The following NKAIN3 variants were observed in gnomAD, a reference collection of about 807,000 sequenced individuals.
The protein encoded by NKAIN3 is sodium/potassium transporting ATPase interacting 3, also known as sodium/potassium-transporting ATPase subunit beta-1-interacting protein 3.
A neutral mutation model predicts 30.2 loss-of-function variants in NKAIN3; 25 were observed. The ratio of observed to expected loss-of-function variants is 0.83; its 90% CI spans 0.60 to 1.16. The LOEUF is 1.16. Ranked by LOEUF, NKAIN3 falls within the 50% of genes most tolerant of loss-of-function variation. The probability of loss-of-function intolerance (pLI) is 0.00; values close to 1 mark genes in which losing one functional copy is unlikely to be tolerated. For synonymous variants in NKAIN3, 91 were observed against 89.6 expected (o/e 1.02, Z -0.09); for missense variants, 225 against 254.1 (o/e 0.89, Z 0.78).
chr8:62,913,730 T>C (rs1821993902), intron 4 of NKAIN3, among the ~76,000 whole-genome samples: 1 of 152,190 alleles, frequency 6.6e-6, no homozygotes, highest in Non-Finnish European at 1.5e-5. Flanking sequence ...AGTTGACAGG[T>C]GTCCTCCTCT....
At chr8:62,689,945 AAAATAAAT>A (rs77511780) in intron 3 of NKAIN3, among the ~76,000 whole-genome samples, 3,559 of 145,512 alleles carry the variant, frequency 0.024, 48 homozygotes, top group East Asian at 0.083. Flanking sequence ...CACCGCACTG[AAAATAAAT>A]AAATAAATAA....
chr8:62,304,616 T>C (rs1274793571), intron 1 of NKAIN3, among the ~76,000 whole-genome samples: 3 of 150,488 alleles, frequency 2.0e-5, no homozygotes, highest in Non-Finnish European at 1.5e-5. Context: ...GAATGGGGAA[T>C]TGAAACCCAG....
chr8:62,587,379 T>C (rs1810509393), intron 2 of NKAIN3, among the ~76,000 whole-genome samples: 1 of 152,040 alleles, frequency 6.6e-6, no homozygotes. Flanking sequence ...AATTCCATAT[T>C]ATACATGTCA....
At chr8:62,356,277 A>G (rs993889954) in intron 1 of NKAIN3, among the ~76,000 whole-genome samples, 1 of 152,224 alleles carries the variant, frequency 6.6e-6, no homozygotes, top group Non-Finnish European at 1.5e-5. Context: ...GCTTACCTTA[A>G]CTAAGTAATT....
At chr8:62,986,050 T>C (rs1246346924), downstream of NKAIN3, among the ~76,000 whole-genome samples, 1 of 152,232 alleles carries the variant, frequency 6.6e-6, no homozygotes, top group Non-Finnish European at 1.5e-5. Context: ...TTCCCTTGGA[T>C]GAGGATTTGA....
intron 4 of NKAIN3, among the ~76,000 whole-genome samples, chr8:62,867,652 A>G (rs1357262577): frequency 6.6e-6 from 1 of 152,234 alleles, no homozygotes; most frequent in Admixed American, 6.5e-5. Context: ...GAGGATGGGA[A>G]TAGTGAGGTT....
intron 3 of NKAIN3, among the ~76,000 whole-genome samples, chr8:62,730,097 G>A (rs535714905): frequency 7.9e-5 from 12 of 152,144 alleles, no homozygotes; most frequent in East Asian, 1.9e-4. Context: ...ATAAGGGACC[G>A]ACTTTGTACT....
chr8:62,795,849 C>G (rs745493403), intron 4 of NKAIN3, among the ~76,000 whole-genome samples: 1 of 152,056 alleles, frequency 6.6e-6, no homozygotes, highest in Non-Finnish European at 1.5e-5. Context: ...GTTGAAATTA[C>G]TATGTATTAA....
At chr8:62,748,732 C>T (rs1161935315) in intron 4 of NKAIN3, among the ~76,000 whole-genome samples, 1 of 152,074 alleles carries the variant, frequency 6.6e-6, no homozygotes, top group Non-Finnish European at 1.5e-5. Context: ...CAAAGAAAGG[C>T]AAATTTGATA....
At chr8:62,275,446 G>A (rs1311442863) in intron 1 of NKAIN3, among the ~76,000 whole-genome samples, 1 of 152,154 alleles carries the variant, frequency 6.6e-6, no homozygotes, top group Non-Finnish European at 1.5e-5. Context: ...AAGAAATTTT[G>A]TAATTCTGAA....
rs562132532 is a variant in NKAIN3 at position 62,946,541 on chromosome 8, C to T, written c.533-7361C>T. Among the ~76,000 whole-genome samples, 33 of 152,278 alleles carry T rather than the reference C, an allele frequency of 2.2e-4. 1 individual carries two copies. The South Asian group carries it at 3.1e-3, about 14-fold the overall frequency. ...AAGCCTTCATTATGGTGGGGTGCTG[C>T]GAACTCCTCTCTGCAGTCTTTGAAG... is the stretch of plus-strand genomic sequence containing the variant. On this transcript the variant is annotated intron_variant, in intron 5 of 6. Coordinates refer to ENST00000623646, the MANE Select transcript of NKAIN3 (RefSeq NM_001304533.3).
At position 62,661,164 on chromosome 8, in the gene NKAIN3, T is replaced by C. The variant is rs112083603; in HGVS notation, c.273+71370T>C. Among the ~76,000 whole-genome samples the C allele has an allele frequency of 3.9e-3, 590 of 152,290 alleles. 3 individuals carry two copies. Among genetic ancestry groups the C allele is most frequent in the African/African-American group, 0.013 (522 of 41,572 alleles). On this transcript the variant is annotated intron_variant, in intron 3 of 6. Transcript: ENST00000623646. ...CACGTACGCCATCCTTCCAGGCTGATTATCTTCACTTCTTGGGTCAGCACT... is the reference window on the plus strand; with the variant it reads ...CACGTACGCCATCCTTCCAGGCTGACTATCTTCACTTCTTGGGTCAGCACT...
chr8:62,248,892 C>A lies in NKAIN3; in HGVS notation c.-182C>A. Reference sequence around the variant, plus strand: ...GTCGTGCGCACCGCACTGACCTCGGCCCGCCCCGCCGGGAAACTAACAAAG... The same window carrying A: ...GTCGTGCGCACCGCACTGACCTCGGACCGCCCCGCCGGGAAACTAACAAAG... On this transcript the variant is annotated 5_prime_UTR_variant, in exon 1 of 7. Transcript: ENST00000623646. 1 of 560,694 alleles carries A rather than the reference C, an allele frequency of 1.8e-6. No homozygotes were observed. Among genetic ancestry groups the A allele is most frequent in the Non-Finnish European group, 3.0e-6 (1 of 329,202 alleles). The allele number at this position is 560,694 out of a possible 1,614,324, so 34.7% of individuals were successfully genotyped here. A position where few individuals can be genotyped will look rare whatever the true frequency, so the allele number is the denominator to read the frequency against.
chr8:62,595,256 C>G (rs1226981517), intron 3 of NKAIN3, among the ~76,000 whole-genome samples: 1 of 151,806 alleles, frequency 6.6e-6, no homozygotes, highest in Non-Finnish European at 1.5e-5. Context: ...ATGTTAAACG[C>G]TTCTGATACA....
chr8:62,528,343 A>ATAT (rs1365264600), intron 1 of NKAIN3, among the ~76,000 whole-genome samples: 4 of 35,490 alleles, frequency 1.1e-4, no homozygotes, highest in African/African-American at 2.8e-4. Flanking sequence ...ATTATATAAT[A>ATAT]TATATATATA....
chr8:62,749,840 G>A (rs1345752363), intron 4 of NKAIN3, among the ~76,000 whole-genome samples: 1 of 151,476 alleles, frequency 6.6e-6, no homozygotes, highest in Non-Finnish European at 1.5e-5. Context: ...ACGCCGCCAC[G>A]TCCAGCTAAT....
chr8:62,867,253 A>T (rs938815124), intron 4 of NKAIN3, among the ~76,000 whole-genome samples: 3 of 152,122 alleles, frequency 2.0e-5, no homozygotes, highest in Non-Finnish European at 2.9e-5. Context: ...CTGCTACATC[A>T]TGTCATATCA....
At chr8:62,775,308 T>G (rs1817155242) in intron 4 of NKAIN3, among the ~76,000 whole-genome samples, 1 of 150,324 alleles carries the variant, frequency 6.7e-6, no homozygotes. Context: ...TTTCTTCATT[T>G]ACCTTGCTAA....
intron 1 of NKAIN3, among the ~76,000 whole-genome samples, chr8:62,351,217 T>C (rs1259593518): frequency 2.0e-5 from 3 of 149,984 alleles, no homozygotes; most frequent in African/African-American, 7.3e-5. Context: ...GATATCAAAA[T>C]CCGAGGGTGC....
Sources: allele counts gnomAD v4.1 joint callset (sites outside exome capture counted in the v4.1 genomes callset), GRCh38; gene constraint gnomAD v4.1.1; transcripts MANE v1.5; gene names NCBI Gene and HGNC (gene_info 2026-07-23, HGNC 2026-07-21).